The following DPP6 variants were observed in gnomAD, a reference collection of about 807,000 sequenced individuals.
DPP6 encodes A-type potassium channel modulatory protein DPP6.
In DPP6, 69 loss-of-function variants were observed where a neutral mutation model predicts 122.6. The observed-to-expected ratio is 0.56, with a 90% CI of 0.46 to 0.69. DPP6 has a LOEUF of 0.69. DPP6 is among the 30% of genes least tolerant of loss of function. The pLI is 0.00. For missense variants in DPP6, 928 were observed against 1,116.9 expected, an observed-to-expected ratio of 0.83 and a Z score of 2.41; for synonymous variants, 418 against 433.1, an observed-to-expected ratio of 0.97 and a Z score of 0.43.
intron 3 of DPP6, among the ~76,000 whole-genome samples, chr7:154,514,411 A>T (rs1408761797): frequency 6.6e-6 from 1 of 152,174 alleles, no homozygotes; most frequent in East Asian, 1.9e-4. Flanking sequence ...ATATAATATA[A>T]AATCCACCAT....
chr7:153,772,974 C>CT, the DPP6 span, among the ~76,000 whole-genome samples: 1 of 142,604 alleles, frequency 7.0e-6, no homozygotes, highest in East Asian at 2.0e-4. Flanking sequence ...AAAGAAAAGA[C>CT]TTATATATTA....
intron 1 of DPP6, among the ~76,000 whole-genome samples, chr7:154,297,945 G>A (rs562081653): frequency 3.5e-4 from 54 of 152,290 alleles, no homozygotes; most frequent in Non-Finnish European, 6.5e-4. Context: ...GCTAGGCCAC[G>A]GTACCCAGCT....
intron 1 of DPP6, among the ~76,000 whole-genome samples, chr7:154,145,424 A>G (rs1293665031): frequency 2.6e-5 from 4 of 152,334 alleles, no homozygotes; most frequent in Admixed American, 2.6e-4. Context: ...CTCTAAGCCC[A>G]AGAAAGAAAT....
chr7:154,442,009 C>T (rs1384552596), intron 1 of DPP6, among the ~76,000 whole-genome samples: 7 of 152,184 alleles, frequency 4.6e-5, no homozygotes, highest in Admixed American at 3.3e-4. Context: ...GCCAACTATG[C>T]GTGTCAGTTT....
At chr7:154,335,124 G>A (rs1296353590) in intron 1 of DPP6, among the ~76,000 whole-genome samples, 1 of 152,188 alleles carries the variant, frequency 6.6e-6, no homozygotes, top group Non-Finnish European at 1.5e-5. Context: ...AGAACCACAT[G>A]AAGATGAAGG....
intron 3 of DPP6, among the ~76,000 whole-genome samples, chr7:154,527,831 G>T (rs78090465): frequency 6.6e-6 from 1 of 151,914 alleles, no homozygotes; most frequent in African/African-American, 2.4e-5. Flanking sequence ...TTTAACATAC[G>T]CATGGTCTTC....
intron 10 of DPP6, among the ~76,000 whole-genome samples, chr7:154,792,018 G>A (rs914305733): frequency 6.6e-6 from 1 of 152,244 alleles, no homozygotes; most frequent in Non-Finnish European, 1.5e-5. Context: ...ATAAAAAGCA[G>A]AAAGAAGCAT....
chr7:154,745,813 T>C (rs963653991), intron 8 of DPP6, among the ~76,000 whole-genome samples: 5 of 152,270 alleles, frequency 3.3e-5, no homozygotes, highest in Non-Finnish European at 7.4e-5. Context: ...TCACTCACCC[T>C]TGGGGGAGGC....
At chr7:154,619,524 T>C (rs1295299950) in intron 5 of DPP6, among the ~76,000 whole-genome samples, 2 of 152,220 alleles carry the variant, frequency 1.3e-5, no homozygotes, top group Non-Finnish European at 2.9e-5. Context: ...CTCTCACCTA[T>C]ATTACACAGC....
chr7:153,894,910 G>T lies in DPP6; in HGVS notation c.51+7176G>T, dbSNP rs897165288. 3.5e-4 allele frequency among the ~76,000 whole-genome samples: 54 copies of T among 152,270 alleles called. No homozygotes were observed. In the Middle Eastern group the frequency reaches 0.017, roughly 48 times the overall value. On this transcript the variant is annotated intron_variant, in intron 1 of 25. Coordinates refer to the DPP6 transcript ENST00000404039. ...CTTGAAAAATATGCAATCAAGTCTT[G>T]TTCCCTGGGTTGTGGAGGCCGCCAA... is the stretch of plus-strand genomic sequence containing the variant.
intron 6 of DPP6, among the ~76,000 whole-genome samples, chr7:154,661,541 T>C: frequency 1.7e-5 from 1 of 59,194 alleles, no homozygotes; most frequent in Admixed American, 1.7e-4. Flanking sequence ...CCATGGCGTA[T>C]TGGCGCTAGT....
chr7:153,840,894 G>A, the DPP6 span, among the ~76,000 whole-genome samples: 1 of 152,180 alleles, frequency 6.6e-6, no homozygotes, highest in Non-Finnish European at 1.5e-5. Context: ...TCAAATGAGG[G>A]TTTCTCGTCT....
chr7:154,640,814 A>G (rs1254904887), intron 6 of DPP6, among the ~76,000 whole-genome samples: 1 of 152,244 alleles, frequency 6.6e-6, no homozygotes, highest in East Asian at 1.9e-4. Flanking sequence ...CATGTAGAAG[A>G]AAACTAAGAG....
intron 1 of DPP6, among the ~76,000 whole-genome samples, chr7:153,888,314 G>C (rs988380720): frequency 1.3e-5 from 2 of 152,236 alleles, no homozygotes; most frequent in African/African-American, 4.8e-5. Context: ...GACTGTGCCG[G>C]AGGAGGTCAG....
intron 3 of DPP6, among the ~76,000 whole-genome samples, chr7:154,530,584 C>T (rs893614598): frequency 2.6e-5 from 4 of 152,082 alleles, no homozygotes; most frequent in Non-Finnish European, 4.4e-5. Flanking sequence ...GACAGTGTGG[C>T]GATTCCTCAA....
At chr7:154,668,882 C>T (rs1838367401) in intron 6 of DPP6, among the ~76,000 whole-genome samples, 3 of 152,128 alleles carry the variant, frequency 2.0e-5, no homozygotes, top group Non-Finnish European at 1.5e-5. Flanking sequence ...CTCTCTCTCT[C>T]GACTTGTATC....
chr7:154,646,062 C>G (rs1836461965), intron 6 of DPP6, among the ~76,000 whole-genome samples: 1 of 133,992 alleles, frequency 7.5e-6, no homozygotes, highest in African/African-American at 2.6e-5. Context: ...ACTGAGGGCT[C>G]TATTCATGGT....
At chr7:153,933,703 TCTCA>T (rs1323488964) in intron 1 of DPP6, among the ~76,000 whole-genome samples, 3 of 135,880 alleles carry the variant, frequency 2.2e-5, no homozygotes, top group African/African-American at 8.5e-5. Flanking sequence ...TCTCTCTCTC[TCTCA>T]CACACACACA....
intron 1 of DPP6, among the ~76,000 whole-genome samples, chr7:154,125,043 C>T (rs1807777150): frequency 6.6e-6 from 1 of 152,178 alleles, no homozygotes. Flanking sequence ...GATGACGTTC[C>T]AACAGCTGAG....
Sources: gnomAD v4.1 joint callset for allele counts (sites outside exome capture counted in the v4.1 genomes callset) on GRCh38, gnomAD v4.1.1 for gene constraint, MANE v1.5 for transcripts, NCBI Gene and HGNC (gene_info 2026-07-23, HGNC 2026-07-21) for gene names.